Variants in MARCHF1 observed in about 807,000 individuals in gnomAD.
MARCHF1 encodes the protein E3 ubiquitin-protein ligase MARCHF1.
MARCHF1 carries 40 observed loss-of-function variants against 54.2 expected under a neutral mutation model. The observed-to-expected ratio is 0.74, with a 90% CI of 0.57 to 0.96. MARCHF1 has a LOEUF of 0.96. Among genes scored for constraint, MARCHF1 ranks in the 40% least tolerant of loss-of-function variants. The pLI, the probability that MARCHF1 is intolerant of heterozygous loss-of-function variation, is 0.00. For synonymous variants in MARCHF1, 236 were observed against 236.3 expected, an observed-to-expected ratio of 1.00 and a Z score of 0.01; for missense variants, 586 against 656.5, an observed-to-expected ratio of 0.89 and a Z score of 1.17.
rs532215243 is a variant in MARCHF1 at position 163,889,424 on chromosome 4, T to C, written c.-38-35255A>G. 6.6e-5 allele frequency among the ~76,000 whole-genome samples: 10 copies of C among 151,676 alleles called. No homozygotes were observed. In the East Asian group the frequency reaches 1.8e-3, roughly 27 times the overall value. ...AGCCTCATCCTTGATGACTATGTAA[T>C]AAGGTAATTTTAAAAGCATTTACAC... On this transcript the variant is annotated intron_variant, in intron 3 of 9. Transcript: ENST00000514618.
chr4:163,832,810 A>C (rs1749068170), intron 4 of MARCHF1, among the ~76,000 whole-genome samples: 1 of 120,672 alleles, frequency 8.3e-6, no homozygotes, highest in Admixed American at 8.7e-5. Context: ...TCATTGTTCA[A>C]TTCCCACCTA....
chr4:164,037,031 G>A (rs1754020280), intron 2 of MARCHF1, among the ~76,000 whole-genome samples: 1 of 152,046 alleles, frequency 6.6e-6, no homozygotes, highest in African/African-American at 2.4e-5. Context: ...TTAATATGGG[G>A]GGAATAAGAA....
intron 9 of MARCHF1, among the ~76,000 whole-genome samples, chr4:163,541,064 A>G (rs1738707592): frequency 6.6e-6 from 1 of 152,084 alleles, no homozygotes; most frequent in African/African-American, 2.4e-5. Context: ...ACCAAGGGAG[A>G]GCTAGAACCC....
intron 1 of MARCHF1, among the ~76,000 whole-genome samples, chr4:164,281,015 G>GA (rs1734012179): frequency 1.3e-5 from 2 of 152,014 alleles, no homozygotes; most frequent in Non-Finnish European, 2.9e-5. Context: ...ATAAAATATG[G>GA]AAAAAATCCC....
In MARCHF1 at chr4:164,197,722, C is replaced by G. The variant is rs201716134; in HGVS notation, c.-322-86060G>C. The G allele has an allele frequency of 6.8e-6, 11 of 1,608,270 alleles. 1 individual carries two copies. The Middle Eastern group carries it at 6.6e-4, about 97-fold the overall frequency. ...TCTGCCCATCTCCATCTCTCGCGCT[C>G]TCTGTCTGCAGAGGCTCTCGTGCCA... On this transcript the variant is annotated intron_variant, in intron 1 of 9. Transcript: ENST00000514618.
intron 2 of MARCHF1, among the ~76,000 whole-genome samples, chr4:164,077,333 A>C (rs1755002398): frequency 6.6e-6 from 1 of 152,252 alleles, no homozygotes; most frequent in African/African-American, 2.4e-5. Flanking sequence ...CCATATGCAG[A>C]AAACTGAAAC....
At chr4:163,685,833 C>T (rs561208275) in intron 5 of MARCHF1, among the ~76,000 whole-genome samples, 43 of 152,286 alleles carry the variant, frequency 2.8e-4, no homozygotes, top group Middle Eastern at 6.8e-3. Context: ...CCAATTTACA[C>T]TTTTGTGTGT....
chr4:163,938,260 C>T (rs1318776946), intron 3 of MARCHF1, among the ~76,000 whole-genome samples: 2 of 152,124 alleles, frequency 1.3e-5, no homozygotes, highest in Non-Finnish European at 2.9e-5. Context: ...TGTGCTAATA[C>T]AAAGCTTTGG....
chr4:163,603,015 T>C (rs1261249708), intron 7 of MARCHF1, among the ~76,000 whole-genome samples: 2 of 152,106 alleles, frequency 1.3e-5, no homozygotes, highest in Non-Finnish European at 2.9e-5. Flanking sequence ...GGAAATACTA[T>C]GTTCAAGGAT....
chr4:164,058,069 C>T (rs907514779), intron 2 of MARCHF1, among the ~76,000 whole-genome samples: 2 of 151,882 alleles, frequency 1.3e-5, no homozygotes, highest in Non-Finnish European at 2.9e-5. Context: ...GGGAGTTGAA[C>T]AATGAAAACA....
At chr4:163,650,023 G>A (rs1742908620) in intron 5 of MARCHF1, among the ~76,000 whole-genome samples, 1 of 151,534 alleles carries the variant, frequency 6.6e-6, no homozygotes, top group African/African-American at 2.4e-5. Context: ...TGTAAGCTCT[G>A]ATTAATGACA....
chr4:164,075,901 A>G (rs1754966815), intron 2 of MARCHF1, among the ~76,000 whole-genome samples: 1 of 152,174 alleles, frequency 6.6e-6, no homozygotes, highest in Admixed American at 6.5e-5. Context: ...AGAAAAAGTT[A>G]CTTAAGTGAT....
intron 4 of MARCHF1, among the ~76,000 whole-genome samples, chr4:163,748,941 A>G (rs1207139373): frequency 6.6e-6 from 1 of 152,260 alleles, no homozygotes; most frequent in Non-Finnish European, 1.5e-5. Flanking sequence ...GAAATGCTTC[A>G]GGCTTGAAGC....
At chr4:164,283,320 G>T (rs539846062) in intron 1 of MARCHF1, among the ~76,000 whole-genome samples, 1 of 150,798 alleles carries the variant, frequency 6.6e-6, no homozygotes, top group Non-Finnish European at 1.5e-5. Context: ...GGTTCAGTAT[G>T]TCATTCTTTT....
chr4:164,233,241 CA>C (rs150148007), intron 1 of MARCHF1, among the ~76,000 whole-genome samples: 14 of 147,866 alleles, frequency 9.5e-5, no homozygotes, highest in South Asian at 4.3e-4. Context: ...CTGTTTATTT[CA>C]AAAAAAAAAC....
intron 4 of MARCHF1, among the ~76,000 whole-genome samples, chr4:163,833,852 C>T (rs1434022425): frequency 6.6e-6 from 1 of 151,908 alleles, no homozygotes; most frequent in African/African-American, 2.4e-5. Flanking sequence ...TTGTGCACAC[C>T]CTTGTGTAAC....
At chr4:163,683,619 G>A (rs1744176882) in intron 5 of MARCHF1, among the ~76,000 whole-genome samples, 1 of 152,266 alleles carries the variant, frequency 6.6e-6, no homozygotes, top group African/African-American at 2.4e-5. Context: ...TAGGGAACAA[G>A]GCTCATATTT....
intron 3 of MARCHF1, among the ~76,000 whole-genome samples, chr4:163,914,884 T>C (rs1751273859): frequency 1.3e-5 from 2 of 152,152 alleles, no homozygotes; most frequent in African/African-American, 4.8e-5. Flanking sequence ...TTACCTATTA[T>C]TGCATAATAA....
intron 7 of MARCHF1, among the ~76,000 whole-genome samples, chr4:163,587,818 T>TA (rs1169200096): frequency 2.0e-5 from 3 of 151,704 alleles, no homozygotes; most frequent in Admixed American, 2.0e-4. Context: ...TTAAACTTTT[T>TA]AAAAAAATCT....
Sources: allele counts gnomAD v4.1 joint callset (sites outside exome capture counted in the v4.1 genomes callset), GRCh38; gene constraint gnomAD v4.1.1; transcripts MANE v1.5; gene names NCBI Gene and HGNC (gene_info 2026-07-23, HGNC 2026-07-21).